The following ADGRL3 variants were observed in gnomAD, a reference collection of about 807,000 sequenced individuals.
ADGRL3 encodes the protein calcium-independent alpha-latrotoxin receptor 3.
Under a neutral mutation model 153.5 loss-of-function variants are expected in ADGRL3, and 62 were observed. The observed-to-expected ratio is 0.40, with a 90% CI of 0.33 to 0.50. ADGRL3 has a LOEUF of 0.50. ADGRL3 is among the 20% of genes least tolerant of loss of function. The pLI, the probability that ADGRL3 is intolerant of heterozygous loss-of-function variation, is 0.47. For synonymous variants in ADGRL3, 710 were observed against 672.5 expected (o/e 1.06, Z -0.86); for missense variants, 1,641 against 1,859.4 (o/e 0.88, Z 2.16).
chr4:61,449,148 A>C (rs548409160), intron 2 of ADGRL3, among the ~76,000 whole-genome samples: 1 of 151,468 alleles, frequency 6.6e-6, no homozygotes, highest in Non-Finnish European at 1.5e-5. Flanking sequence ...TAATTAATTT[A>C]TTTTTTGAGA....
chr4:61,842,847 C>G (rs754135074), intron 9 of ADGRL3, among the ~76,000 whole-genome samples: 3 of 152,058 alleles, frequency 2.0e-5, no homozygotes, highest in Non-Finnish European at 4.4e-5. Context: ...GACTTCTAGT[C>G]GTGAATGCAT....
At chr4:61,576,672 T>A (rs1353310698) in intron 4 of ADGRL3, among the ~76,000 whole-genome samples, 1 of 150,696 alleles carries the variant, frequency 6.6e-6, no homozygotes, top group Non-Finnish European at 1.5e-5. Flanking sequence ...TAAAGAATAA[T>A]CATTTGATTT....
At chr4:61,343,399 G>T (rs951461625) in intron 1 of ADGRL3, among the ~76,000 whole-genome samples, 2 of 151,970 alleles carry the variant, frequency 1.3e-5, no homozygotes, top group Admixed American at 6.6e-5. Flanking sequence ...TTACAGCCTT[G>T]CAAGTACTCT....
chr4:61,672,069 ATTTG>A, intron 5 of ADGRL3, among the ~76,000 whole-genome samples: 1 of 152,204 alleles, frequency 6.6e-6, no homozygotes, highest in Non-Finnish European at 1.5e-5. Context: ...ATGCACTACA[ATTTG>A]TTTATTTTTG....
chr4:61,493,546 T>C (rs1264103733), intron 2 of ADGRL3, among the ~76,000 whole-genome samples: 1 of 152,206 alleles, frequency 6.6e-6, no homozygotes, highest in Non-Finnish European at 1.5e-5. Flanking sequence ...GAGTTAACAA[T>C]AGCAATACTC....
At chr4:61,362,326 T>A (rs1560519543) in intron 1 of ADGRL3, among the ~76,000 whole-genome samples, 1 of 144,664 alleles carries the variant, frequency 6.9e-6, no homozygotes, top group Non-Finnish European at 1.5e-5. Context: ...TATTTGAAAA[T>A]TATATATATA....
chr4:61,451,417 A>G (rs2097671991), intron 2 of ADGRL3, among the ~76,000 whole-genome samples: 1 of 152,172 alleles, frequency 6.6e-6, no homozygotes, highest in South Asian at 2.1e-4. Context: ...TAAAAAACTC[A>G]CCAAGGCTGT....
At position 61,599,649 on chromosome 4, in the gene ADGRL3, G is replaced by A. The variant is rs139458178; in HGVS notation, c.473+12209G>A. 2.0e-4 allele frequency among the ~76,000 whole-genome samples: 30 copies of A among 152,076 alleles called. No individual in the cohort carries two copies. In the East Asian group the frequency reaches 5.0e-3, roughly 26 times the overall value. On this transcript the variant is annotated intron_variant, in intron 5 of 26. Coordinates refer to ENST00000683033, the MANE Select transcript of ADGRL3 (RefSeq NM_001387552.1). The stretch of plus-strand genomic sequence containing the variant: ...CGCCTGGCCTAGATAATTTCTTTAT[G>A]GTCAGTTTTTCCAAGGAAAGCTGGA...
intron 13 of ADGRL3, among the ~76,000 whole-genome samples, chr4:61,919,875 A>G (rs2098760659): frequency 6.6e-6 from 1 of 152,184 alleles, no homozygotes; most frequent in Non-Finnish European, 1.5e-5. Context: ...ATTTCCTGTA[A>G]ATAAACAAAT....
intron 6 of ADGRL3, among the ~76,000 whole-genome samples, chr4:61,679,008 G>A (rs1336777711): frequency 2.0e-5 from 3 of 152,012 alleles, no homozygotes; most frequent in Non-Finnish European, 4.4e-5. Flanking sequence ...GCTTTTGTTA[G>A]TCTGTTTTGT....
intron 25 of ADGRL3, among the ~76,000 whole-genome samples, chr4:62,048,545 G>A (rs1474615086): frequency 3.3e-5 from 5 of 151,966 alleles, no homozygotes; most frequent in Admixed American, 2.6e-4. Context: ...ACAGGCATGA[G>A]CCACCACGCC....
intron 9 of ADGRL3, among the ~76,000 whole-genome samples, chr4:61,843,895 G>A (rs1650926284): frequency 6.6e-6 from 1 of 151,910 alleles, no homozygotes; most frequent in Non-Finnish European, 1.5e-5. Context: ...GTGTGTGTCT[G>A]TAGTTCCAGC....
At chr4:61,965,921 C>T in intron 17 of ADGRL3, among the ~76,000 whole-genome samples, 1 of 152,156 alleles carries the variant, frequency 6.6e-6, no homozygotes, top group Non-Finnish European at 1.5e-5. Context: ...TTTAAAAATC[C>T]AATTCATGGA....
chr4:61,631,471 A>G (rs2150026698), intron 5 of ADGRL3, among the ~76,000 whole-genome samples: 1 of 152,334 alleles, frequency 6.6e-6, no homozygotes, highest in Admixed American at 6.5e-5. Flanking sequence ...ATCATAAAGT[A>G]CCTGTTAGTA....
At chr4:61,828,059 T>C (rs2097828886) in intron 9 of ADGRL3, among the ~76,000 whole-genome samples, 1 of 152,210 alleles carries the variant, frequency 6.6e-6, no homozygotes, top group African/African-American at 2.4e-5. Context: ...TAAAGATCTT[T>C]CCTGGAAGTT....
At chr4:61,482,392 T>C (rs1219621443) in intron 2 of ADGRL3, among the ~76,000 whole-genome samples, 2 of 152,184 alleles carry the variant, frequency 1.3e-5, no homozygotes, top group African/African-American at 4.8e-5. Flanking sequence ...TGATGGATTT[T>C]CCATCACAGT....
At chr4:61,443,057 C>G (rs1208272903) in intron 2 of ADGRL3, among the ~76,000 whole-genome samples, 1 of 152,072 alleles carries the variant, frequency 6.6e-6, no homozygotes, top group South Asian at 2.1e-4. Context: ...AGATACAAAG[C>G]CATTTTGTTC....
intron 8 of ADGRL3, among the ~76,000 whole-genome samples, chr4:61,757,648 C>A (rs1051811041): frequency 6.6e-6 from 1 of 151,988 alleles, no homozygotes; most frequent in African/African-American, 2.4e-5. Context: ...TTAGTTATTT[C>A]TTGCCTTCTA....
At chr4:61,889,408 A>G (rs1481983621) in intron 9 of ADGRL3, among the ~76,000 whole-genome samples, 4 of 152,230 alleles carry the variant, frequency 2.6e-5, no homozygotes, top group African/African-American at 9.6e-5. Context: ...CATTATAATG[A>G]GTTGGAGAGA....
Sources: allele counts gnomAD v4.1 joint callset (sites outside exome capture counted in the v4.1 genomes callset), GRCh38; gene constraint gnomAD v4.1.1; transcripts MANE v1.5; gene names NCBI Gene and HGNC (gene_info 2026-07-23, HGNC 2026-07-21).